Variants in C3orf70 observed in about 807,000 individuals in gnomAD.
C3orf70 encodes UPF0524 protein C3orf70.
In C3orf70, 15 loss-of-function variants were observed where a neutral mutation model predicts 20.7. The observed-to-expected ratio is 0.72, with a 90% CI of 0.48 to 1.11. The LOEUF (loss-of-function observed/expected upper bound fraction) is 1.11, where lower values mean the gene tolerates loss of function less well. Among genes scored for constraint, C3orf70 ranks in the 50% most tolerant of loss-of-function variants. The probability of loss-of-function intolerance (pLI) is 0.00; values close to 1 mark genes in which losing one functional copy is unlikely to be tolerated. For missense variants in C3orf70, 332 were observed against 317.6 expected (o/e 1.05, Z -0.34); for synonymous variants, 161 against 125.7 (o/e 1.28, Z -1.88).
intron 1 of C3orf70, among the ~76,000 whole-genome samples, chr3:185,091,904 CACACATACAT>C (rs1193167370): frequency 2.6e-5 from 2 of 78,120 alleles, no homozygotes; most frequent in Admixed American, 1.7e-4. Flanking sequence ...CATACACACA[CACACATACAT>C]ATATATATAT....
chr3:185,091,972 TTTTTTTA>T, intron 1 of C3orf70, among the ~76,000 whole-genome samples: 1 of 107,148 alleles, frequency 9.3e-6, no homozygotes, highest in East Asian at 2.8e-4. Context: ...TATTTTTTTT[TTTTTTTA>T]GTAGAGACAG....
intron 1 of C3orf70, among the ~76,000 whole-genome samples, chr3:185,129,685 G>A (rs945935007): frequency 2.6e-5 from 4 of 152,212 alleles, no homozygotes; most frequent in African/African-American, 7.2e-5. Context: ...TAACAGTGCA[G>A]AAGCATTCCC....
chr3:185,113,007 T>C (rs541577521), intron 1 of C3orf70, among the ~76,000 whole-genome samples: 2 of 152,328 alleles, frequency 1.3e-5, no homozygotes, highest in South Asian at 4.1e-4. Flanking sequence ...AACATTTTTA[T>C]TCCAAAATAA....
chr3:185,137,283 C>T (rs116708040), intron 1 of C3orf70, among the ~76,000 whole-genome samples: 1,605 of 152,312 alleles, frequency 0.011, 27 homozygotes, highest in African/African-American at 0.036. Flanking sequence ...TGGAACTGTA[C>T]ATCCCATTAA....
At chr3:185,106,211 T>C (rs540442269) in intron 1 of C3orf70, among the ~76,000 whole-genome samples, 3 of 152,172 alleles carry the variant, frequency 2.0e-5, no homozygotes, top group Admixed American at 6.5e-5. Flanking sequence ...AGTTCCCTGT[T>C]AGAATACACC....
At chr3:185,132,167 G>A (rs950054150) in intron 1 of C3orf70, among the ~76,000 whole-genome samples, 11 of 152,168 alleles carry the variant, frequency 7.2e-5, no homozygotes, top group Non-Finnish European at 1.2e-4. Context: ...CATTCCACGG[G>A]ATAAACTGGA....
At chr3:185,110,633 C>A (rs1716052278) in intron 1 of C3orf70, among the ~76,000 whole-genome samples, 1 of 152,074 alleles carries the variant, frequency 6.6e-6, no homozygotes. Context: ...TTGTGATGGC[C>A]ATAACGCCCA....
rs1278609987 is a variant in C3orf70 at position 185,081,954 on chromosome 3, C to T, written c.*1053G>A. On this transcript the variant is annotated 3_prime_UTR_variant, in exon 2 of 2. Transcript: ENST00000335012. ...AACCTATTAGATTCAGTCCTAATCCCTAAAGGGCTTCTGTCTGTAGCATTT... is the reference window on the plus strand; with the variant it reads ...AACCTATTAGATTCAGTCCTAATCCTTAAAGGGCTTCTGTCTGTAGCATTT... 6 of 152,506 alleles carry T rather than the reference C, an allele frequency of 3.9e-5. No homozygotes were observed. The highest frequency in any genetic ancestry group is 8.8e-5 in the Non-Finnish European group (6 of 68,038). 9.4% of individuals were successfully genotyped at this position (152,506 alleles called of 1,614,324 possible). A position where few individuals can be genotyped will look rare whatever the true frequency, so the allele number is the denominator to read the frequency against.
chr3:185,120,033 A>AAAAAAAAGAGAAAG, intron 1 of C3orf70, among the ~76,000 whole-genome samples: 1 of 100,784 alleles, frequency 9.9e-6, no homozygotes, highest in Non-Finnish European at 1.8e-5. Context: ...AAAAAAAAAA[A>AAAAAAAAGAGAAAG]AAAAAGAAAA....
intron 1 of C3orf70, among the ~76,000 whole-genome samples, chr3:185,130,687 A>G (rs1400918490): frequency 2.0e-5 from 3 of 152,084 alleles, no homozygotes; most frequent in Non-Finnish European, 2.9e-5. Flanking sequence ...TATTCTGGCC[A>G]TTTCATATAA....
Position 185,091,951 on chromosome 3 carries a change from ATATATATATATATTTT to A in C3orf70, c.197-8404_197-8389del, listed in dbSNP as rs1561330994. On this transcript the variant is annotated intron_variant, in intron 1 of 1. Coordinates refer to ENST00000335012, the MANE Select transcript of C3orf70 (RefSeq NM_001025266.3). ...TATATATATATATATATATATATAT[ATATATATATATATTTT>A]TTTTTTTTTTTAGTAGAGACAGGGT... is the stretch of plus-strand genomic sequence containing the variant. Among the ~76,000 whole-genome samples the A allele has an allele frequency of 6.9e-3, 65 of 9,444 alleles. 1 individual carries two copies. The highest frequency in any genetic ancestry group is 0.02 in the East Asian group (8 of 402). The allele number at this position is 9,444 out of a possible 152,430, so 6.2% of individuals were successfully genotyped here.
intron 1 of C3orf70, among the ~76,000 whole-genome samples, chr3:185,123,680 A>G (rs1442597161): frequency 6.6e-6 from 1 of 152,042 alleles, no homozygotes; most frequent in African/African-American, 2.4e-5. Context: ...GTCTGCTCAT[A>G]ATTGTGATAC....
rs960565346 is a variant in C3orf70, at chr3:185,076,924, T to C, written c.*6083A>G. The stretch of plus-strand genomic sequence containing the variant: ...GCTACAATGAGATGCCTTCTAGGAC[T>C]TGGCAATACAATTAGGTAGAGAGTT... On this transcript the variant is annotated 3_prime_UTR_variant, in exon 2 of 2. Coordinates refer to ENST00000335012, the MANE Select transcript of C3orf70 (RefSeq NM_001025266.3). 1.2e-4 allele frequency among the ~76,000 whole-genome samples: 19 copies of C among 152,222 alleles called. No homozygotes were observed. The highest frequency in any genetic ancestry group is 4.6e-4 in the African/African-American group (19 of 41,444).
intron 1 of C3orf70, among the ~76,000 whole-genome samples, chr3:185,128,551 C>T (rs1213824478): frequency 1.3e-5 from 2 of 151,790 alleles, no homozygotes; most frequent in South Asian, 4.2e-4. Context: ...CAACAAAACC[C>T]ACTAATGAAA....
intron 1 of C3orf70, among the ~76,000 whole-genome samples, chr3:185,137,042 C>T (rs1716643297): frequency 6.6e-6 from 1 of 152,190 alleles, no homozygotes. Flanking sequence ...TGTGTCCCCA[C>T]CTAAATCTCA....
At chr3:185,128,032 TTAAA>T (rs1450929801) in intron 1 of C3orf70, among the ~76,000 whole-genome samples, 1 of 152,194 alleles carries the variant, frequency 6.6e-6, no homozygotes, top group Non-Finnish European at 1.5e-5. Context: ...AATTTTCAAA[TTAAA>T]TACGCAAGCA....
At position 185,079,666 on chromosome 3, in the gene C3orf70, A is replaced by G. The variant is rs1356238667; in HGVS notation, c.*3341T>C. 1 of 152,272 alleles carries G rather than the reference A, an allele frequency of 6.6e-6. No individual in the cohort carries two copies. The highest frequency in any genetic ancestry group is 2.4e-5 in the African/African-American group (1 of 41,464). The allele number at this position is 152,272 out of a possible 1,614,324, so 9.4% of individuals were successfully genotyped here. A position where few individuals can be genotyped will look rare whatever the true frequency, so the allele number is the denominator to read the frequency against. ...TGGTTAGAGAAGAAAACTAAATTCTACATTTAGTGGAATTAAGCTTCTACC... is the reference window on the plus strand; with the variant it reads ...TGGTTAGAGAAGAAAACTAAATTCTGCATTTAGTGGAATTAAGCTTCTACC... On this transcript the variant is annotated 3_prime_UTR_variant, in exon 2 of 2. Transcript: ENST00000335012.
Position 185,152,719 on chromosome 3 carries a change from G to A in C3orf70, c.105C>T (p.Phe35=), listed in dbSNP as rs1381183053. 2 of 1,594,360 alleles carry A rather than the reference G, an allele frequency of 1.3e-6. No individual in the cohort carries two copies. The highest frequency in any genetic ancestry group is 1.7e-6 in the Non-Finnish European group (2 of 1,171,148). ...AGATAGACAGCCCGTCGCACGGCTG[G>A]AAGTCGGGTCTGCGGGCGGCGCAAC... ...ARSCAARRPD[F]QPCDGLSICA... The change falls in exon 1 of 2, where the codon TTC becomes TTT. Residue 35 remains phenylalanine, a synonymous_variant. Transcript: ENST00000335012.
At chr3:185,135,838 TAG>T (rs745525023) in intron 1 of C3orf70, among the ~76,000 whole-genome samples, 3 of 151,624 alleles carry the variant, frequency 2.0e-5, no homozygotes, top group Non-Finnish European at 4.4e-5. Flanking sequence ...TCAAAAATAT[TAG>T]AGATAATTCA....
Sources: gnomAD v4.1 joint callset for allele counts (sites outside exome capture counted in the v4.1 genomes callset) on GRCh38, gnomAD v4.1.1 for gene constraint, MANE v1.5 for transcripts, NCBI Gene and HGNC (gene_info 2026-07-23, HGNC 2026-07-21) for gene names.